The following PSD3 variants were observed in gnomAD, a reference collection of about 807,000 sequenced individuals.
The protein encoded by PSD3 is PH and SEC7 domain-containing protein 3.
A neutral mutation model predicts 105.5 loss-of-function variants in PSD3; 49 were observed. That is an observed-to-expected ratio of 0.46 (90% CI 0.37 to 0.59). The LOEUF is 0.59. Ranked by LOEUF, PSD3 falls within the 20% of genes least tolerant of loss-of-function variation. The pLI is 0.00. For synonymous variants in PSD3, 557 were observed against 457.8 expected (o/e 1.22, Z -2.77); for missense variants, 1,561 against 1,263.8 (o/e 1.24, Z -3.57).
chr8:18,595,369 C>T (rs368247318), intron 12 of PSD3, among the ~76,000 whole-genome samples: 13 of 150,936 alleles, frequency 8.6e-5, no homozygotes, highest in African/African-American at 3.2e-4. Context: ...GAGTGTTTCT[C>T]TATCGATAAT....
chr8:18,839,848 T>C (rs893769879), intron 4 of PSD3, among the ~76,000 whole-genome samples: 4 of 152,062 alleles, frequency 2.6e-5, no homozygotes, highest in Non-Finnish European at 5.9e-5. Context: ...CTTCCCTGCC[T>C]CCCACACAGT....
intron 11 of PSD3, among the ~76,000 whole-genome samples, chr8:18,629,858 AT>A: frequency 6.6e-6 from 1 of 151,946 alleles, no homozygotes; most frequent in Non-Finnish European, 1.5e-5. Flanking sequence ...GTTTTTGTAA[AT>A]TATTAGAAAC....
intron 1 of PSD3, chr8:18,989,344 A>C (rs948679172): frequency 6.6e-6 from 1 of 152,228 alleles, no homozygotes; most frequent in East Asian, 1.9e-4. Flanking sequence ...TGGGTCCTTC[A>C]GAATGAGTTT....
rs114137255 is a variant in PSD3 at position 18,707,777 on chromosome 8, G to A, written c.2173-52092C>T. 7.4e-3 allele frequency among the ~76,000 whole-genome samples: 1,126 copies of A among 152,282 alleles called. 20 individuals are homozygous for A. The highest frequency in any genetic ancestry group is 0.025 in the African/African-American group (1,029 of 41,558). The stretch of plus-strand genomic sequence containing the variant: ...GAAATTCTTATACTTCTTCCCCGAA[G>A]AGTACAGTCTGAGATGGAAAAGTTT... On this transcript the variant is annotated intron_variant, in intron 9 of 15. Transcript: ENST00000327040.
Position 18,867,923 on chromosome 8 carries a change from T to C in PSD3, c.1385A>G (p.Glu462Gly), listed in dbSNP as rs1420673708. The change falls in exon 4 of 16, where the codon GAG becomes GGG. Residue 462 changes from glutamate to glycine, a missense_variant. Coordinates refer to ENST00000327040, the MANE Select transcript of PSD3 (RefSeq NM_015310.4). ...TSLYYSAESL[E>G]TLYSEPDSYF... ...GCTATCAGGCTCTGAGTATAATGTC[T>C]CCAGGGACTCTGCACTGTAGTATAA... 1 of 1,614,184 alleles carries C rather than the reference T, an allele frequency of 6.2e-7. No homozygotes were observed.
chr8:18,715,700 T>A (rs1478950555), intron 9 of PSD3, among the ~76,000 whole-genome samples: 1 of 152,204 alleles, frequency 6.6e-6, no homozygotes, highest in Admixed American at 6.5e-5. Context: ...AACAGGGCTC[T>A]GCTGCTCTAG....
At chr8:18,635,879 T>A (rs537815556) in intron 10 of PSD3, among the ~76,000 whole-genome samples, 54 of 142,936 alleles carry the variant, frequency 3.8e-4, no homozygotes, top group African/African-American at 1.4e-3. Flanking sequence ...CACTGGGGCC[T>A]GTTGGGGGTG....
chr8:19,016,490 G>A (rs183676970), upstream of PSD3, among the ~76,000 whole-genome samples: 4 of 152,222 alleles, frequency 2.6e-5, no homozygotes, highest in Admixed American at 6.5e-5. Flanking sequence ...CAACATGAAC[G>A]TTTATTTAGA....
rs144256918 is a variant in PSD3, at chr8:18,577,434, A to AT, written c.2482-2150dup. 6.3e-3 allele frequency among the ~76,000 whole-genome samples: 959 copies of AT among 151,834 alleles called. 7 individuals are homozygous for AT. The highest frequency in any genetic ancestry group is 0.023 in the African/African-American group (935 of 41,446). On this transcript the variant is annotated intron_variant, in intron 12 of 15. Transcript: ENST00000327040. Reference sequence around the variant, plus strand: ...GACTCGGTTCCTCTGCCCTTACATCATTTTTTCTACTAGTTTATCCCCTTC... The same window carrying AT: ...GACTCGGTTCCTCTGCCCTTACATCATTTTTTTCTACTAGTTTATCCCCTTC...
intron 10 of PSD3, among the ~76,000 whole-genome samples, chr8:18,654,380 T>C (rs1808735335): frequency 2.0e-5 from 3 of 152,192 alleles, no homozygotes; most frequent in African/African-American, 7.2e-5. Context: ...TGTAGAATGC[T>C]CTGTTAGGTC....
chr8:18,737,583 T>G (rs1804249071), intron 9 of PSD3, among the ~76,000 whole-genome samples: 1 of 152,216 alleles, frequency 6.6e-6, no homozygotes, highest in Non-Finnish European at 1.5e-5. Context: ...ATTACAGGTG[T>G]GAGTCACTAC....
chr8:18,535,849 G>A lies in PSD3; in HGVS notation c.3038C>T (p.Ser1013Leu), dbSNP rs903239582. Residue 1013 changes from serine to leucine, a missense_variant, in exon 16 of 16, where the codon TCG (serine) becomes TTG (leucine). Physicochemically the swap from Ser to Leu is moderately radical, Grantham distance 145. Transcript: ENST00000327040. Reference protein sequence around the residue: ...AGLKKSHSSPSLNPDTSPITA... With the variant: ...AGLKKSHSSPLLNPDTSPITA... ...GATTGGAGAAGTATCCGGGTTCAGC[G>A]AAGGACTCGAGTGCGACTTCTTCAG... 10 of 1,613,952 alleles carry A rather than the reference G, an allele frequency of 6.2e-6. No homozygotes were observed. The highest frequency in any genetic ancestry group is 5.3e-5 in the African/African-American group (4 of 74,910).
intron 1 of PSD3, among the ~76,000 whole-genome samples, chr8:19,025,604 C>T (rs1827521172): frequency 6.6e-6 from 1 of 152,180 alleles, no homozygotes; most frequent in Admixed American, 6.5e-5. Flanking sequence ...TCCTACCCCC[C>T]AGTATCAATG....
chr8:19,014,276 G>A (rs1827102196), upstream of PSD3: 1 of 152,150 alleles, frequency 6.6e-6, no homozygotes, highest in African/African-American at 2.4e-5. The surrounding 1 kb of genome is among the most constrained non-coding windows in gnomAD (Gnocchi z 4.9). Flanking sequence ...GCACCGATCC[G>A]CGGCCGGAGC....
In PSD3 at chr8:18,958,100, A is replaced by C. The variant is rs141267671; in HGVS notation, c.22-21958T>G. 3.1e-3 allele frequency among the ~76,000 whole-genome samples: 467 copies of C among 152,350 alleles called. 3 individuals carry two copies. Among genetic ancestry groups the C allele is most frequent in the African/African-American group, 0.011 (445 of 41,580 alleles). On this transcript the variant is annotated intron_variant, in intron 1 of 15. Transcript: ENST00000327040. The stretch of plus-strand genomic sequence containing the variant: ...TCATTTCAGCAAAATATGAGAACTT[A>C]AATGTCATCAAGGGCCTGGCTAATA...
At chr8:19,036,718 T>G (rs1341231755) in intron 1 of PSD3, among the ~76,000 whole-genome samples, 1 of 152,176 alleles carries the variant, frequency 6.6e-6, no homozygotes, top group Non-Finnish European at 1.5e-5. Context: ...ACCAGATTCA[T>G]GAACCCCAGG....
intron 11 of PSD3, among the ~76,000 whole-genome samples, chr8:18,603,222 A>G (rs1804564648): frequency 6.6e-6 from 1 of 152,172 alleles, no homozygotes; most frequent in Admixed American, 6.6e-5. Context: ...TTCCTTCTTG[A>G]AAATACAAGA....
chr8:18,873,111 A>G (rs1817501267), intron 2 of PSD3, among the ~76,000 whole-genome samples: 1 of 152,222 alleles, frequency 6.6e-6, no homozygotes, highest in Admixed American at 6.5e-5. Flanking sequence ...TAAAATGTGT[A>G]TATTGGGCTT....
intron 4 of PSD3, among the ~76,000 whole-genome samples, chr8:18,822,666 T>G (rs908459238): frequency 3.3e-5 from 5 of 152,278 alleles, no homozygotes; most frequent in Middle Eastern, 3.4e-3. Flanking sequence ...CCCAACTATC[T>G]GCCTCAAGAA....
Sources: allele counts gnomAD v4.1 joint callset (sites outside exome capture counted in the v4.1 genomes callset), GRCh38; gene constraint gnomAD v4.1.1; non-coding constraint Gnocchi (gnomAD v3.1); transcripts MANE v1.5; gene names NCBI Gene and HGNC (gene_info 2026-07-23, HGNC 2026-07-21).